CNDP1: variants seen among roughly 807,000 people sequenced by gnomAD.
CNDP1 encodes the protein carnosine dipeptidase 1, also known as beta-Ala-His dipeptidase.
A neutral mutation model predicts 58.1 loss-of-function variants in CNDP1; 44 were observed. The observed-to-expected ratio is 0.76, with a 90% CI of 0.60 to 0.97. The LOEUF is 0.97. CNDP1 is among the 50% of genes least tolerant of loss of function. The pLI, the probability that CNDP1 is intolerant of heterozygous loss-of-function variation, is 0.00. For synonymous variants in CNDP1, 254 were observed against 252.6 expected, an observed-to-expected ratio of 1.01 and a Z score of -0.05; for missense variants, 616 against 655.1, an observed-to-expected ratio of 0.94 and a Z score of 0.65.
chr18:74,553,507 T>C (rs746653640), intron 1 of CNDP1, among the ~76,000 whole-genome samples: 26 of 152,290 alleles, frequency 1.7e-4, no homozygotes, highest in Non-Finnish European at 3.1e-4. Context: ...CACTATTTAT[T>C]GAAAAGACTG....
chr18:74,573,425 C>T (rs1375539904), intron 7 of CNDP1, among the ~76,000 whole-genome samples: 1 of 25,558 alleles, frequency 3.9e-5, no homozygotes, highest in African/African-American at 3.1e-4. Flanking sequence ...TCTATCCATC[C>T]ATCCAACTAT....
In CNDP1 at chr18:74,578,298, C is replaced by T; in HGVS notation, c.1138C>T (p.His380Tyr). 6.2e-7 allele frequency: 1 copy of T among 1,610,998 alleles called. No homozygotes were observed. Among genetic ancestry groups the T allele is most frequent in the Non-Finnish European group, 8.5e-7 (1 of 1,178,884 alleles). ...AAAATTTTCAATCCGTCTAGTCCCT[C>T]ACATGAATGTGTCTGCGGTGGAAAA... Reference protein sequence around the residue: ...IGKFSIRLVPHMNVSAVEKQV... With the variant: ...IGKFSIRLVPYMNVSAVEKQV... The change falls in exon 9 of 12, where the codon CAC becomes TAC. Residue 380 changes from histidine to tyrosine, a missense_variant. His to Tyr is a moderately conservative substitution (Grantham distance 83). Transcript: ENST00000358821.
At chr18:74,534,727 G>A (rs1980442764) in intron 1 of CNDP1, 36 bp downstream of exon 1, 4 of 1,613,176 alleles carry the variant, frequency 2.5e-6, no homozygotes, top group Non-Finnish European at 3.4e-6. Context: ...TCCGTGCATT[G>A]GGTGCCAGAA....
Position 74,583,758 on chromosome 18 carries a change from A to C in CNDP1, c.1457+50A>C, listed in dbSNP as rs752934390. On this transcript the variant is annotated intron_variant, in intron 11 of 11. Transcript: ENST00000358821. The stretch of plus-strand genomic sequence containing the variant: ...CCTCTCTCTTCTTCCTTTACTGCAC[A>C]CACCCGGGTCTACACGTGGGTGAGC... 3.8e-6 allele frequency: 6 copies of C among 1,582,258 alleles called. No individual in the cohort carries two copies. In the East Asian group the frequency reaches 1.4e-4, roughly 36 times the overall value.
chr18:74,564,207 G>A (rs1228432858), intron 5 of CNDP1, among the ~76,000 whole-genome samples: 1 of 152,172 alleles, frequency 6.6e-6, no homozygotes, highest in Non-Finnish European at 1.5e-5. Context: ...TGTGTGCGGT[G>A]TCGTTTATCT....
Position 74,556,446 on chromosome 18 carries a change from C to G in CNDP1, c.133C>G (p.His45Asp). 1 of 1,614,242 alleles carries G rather than the reference C, an allele frequency of 6.2e-7. No homozygotes were observed. Among genetic ancestry groups the G allele is most frequent in the Non-Finnish European group, 8.5e-7 (1 of 1,180,042 alleles). Reference protein sequence around the residue: ...LEKVFQYIDLHQDEFVQTLKE... With the variant: ...LEKVFQYIDLDQDEFVQTLKE... Reference sequence around the variant, plus strand: ...GAAAGTCTTCCAGTACATTGACCTCCATCAGGATGAATTTGTGCAGGTAGG... The same window carrying G: ...GAAAGTCTTCCAGTACATTGACCTCGATCAGGATGAATTTGTGCAGGTAGG... Residue 45 changes from histidine (H) to aspartate (D), a missense_variant, in exon 2 of 12, where the codon CAT becomes GAT. Coordinates refer to ENST00000358821, the MANE Select transcript of CNDP1 (RefSeq NM_032649.6).
Position 74,576,995 on chromosome 18 carries a change from G to C in CNDP1, c.968G>C (p.Ser323Thr). 6.2e-7 allele frequency: 1 copy of C among 1,613,056 alleles called. No individual in the cohort carries two copies. Among genetic ancestry groups the C allele is most frequent in the Non-Finnish European group, 8.5e-7 (1 of 1,179,556 alleles). ...IHLDLEEYRN[S>T]SRVEKFLFDT... Reference sequence around the variant, plus strand: ...CTAGACCTAGAAGAATACCGGAATAGCAGCCGGGTTGAGAAATTTCTGTTC... The same window carrying C: ...CTAGACCTAGAAGAATACCGGAATACCAGCCGGGTTGAGAAATTTCTGTTC... The change falls in exon 8 of 12, where the codon AGC becomes ACC. Residue 323 changes from serine to threonine, a missense_variant. By Grantham distance (58) the Ser-to-Thr change is moderately conservative. Transcript: ENST00000358821.
intron 8 of CNDP1, 175 bp from the exon 9 acceptor site, chr18:74,577,988 G>A (rs1270048360): frequency 1.8e-6 from 1 of 565,856 alleles, no homozygotes; most frequent in African/African-American, 1.9e-5. Flanking sequence ...GGCATCTGAG[G>A]ACAGCAGAGA....
chr18:74,561,654 C>T lies in CNDP1; in HGVS notation c.467-393C>T, dbSNP rs192956071. 3.0e-3 allele frequency: 574 copies of T among 189,820 alleles called. 1 individual carries two copies. The highest frequency in any genetic ancestry group is 4.3e-3 in the Non-Finnish European group (379 of 88,310). 11.8% of individuals were successfully genotyped at this position (189,820 alleles called of 1,614,324 possible). A position where few individuals can be genotyped will look rare whatever the true frequency, so the allele number is the denominator to read the frequency against. On this transcript the variant is annotated intron_variant, in intron 4 of 11. Transcript: ENST00000358821. ...AAGGTTAATAGAGATATACACACAT[C>T]TTTTTTTCATTCTTCTACTAACTGT...
chr18:74,540,788 C>A (rs879556231), intron 1 of CNDP1, among the ~76,000 whole-genome samples: 10 of 152,168 alleles, frequency 6.6e-5, no homozygotes, highest in Non-Finnish European at 8.8e-5. Flanking sequence ...TCAGTGCCTG[C>A]CCTCCATGCA....
chr18:74,575,611 A>G (rs1242654930), intron 7 of CNDP1, among the ~76,000 whole-genome samples: 1 of 152,182 alleles, frequency 6.6e-6, no homozygotes, highest in Non-Finnish European at 1.5e-5. Context: ...AAACTCTTTC[A>G]TGAAGAGCAC....
chr18:74,570,868 C>T (rs1197751599), intron 6 of CNDP1, among the ~76,000 whole-genome samples: 1 of 152,126 alleles, frequency 6.6e-6, no homozygotes, highest in Non-Finnish European at 1.5e-5. Context: ...TGGGATGAAA[C>T]CAAAAGGAAG....
chr18:74,582,296 G>C (rs1288795748), intron 10 of CNDP1, among the ~76,000 whole-genome samples: 1 of 152,206 alleles, frequency 6.6e-6, no homozygotes, highest in Non-Finnish European at 1.5e-5. Context: ...TAAAGAAGAG[G>C]TGGCATGTTC....
chr18:74,577,136 C>A, intron 8 of CNDP1, 107 bp downstream of exon 8: 1 of 1,055,804 alleles, frequency 9.5e-7, no homozygotes, highest in Non-Finnish European at 1.3e-6. Flanking sequence ...ATCTTAGAAT[C>A]CAAAGCAGAT....
rs1015009894 is a variant in CNDP1 at position 74,584,096 on chromosome 18, G to T, written c.1457+388G>T. The T allele has an allele frequency of 3.1e-5, 9 of 287,252 alleles. No homozygotes were observed. In the Admixed American group the frequency reaches 4.3e-4, roughly 14 times the overall value. The allele number at this position is 287,252 out of a possible 1,614,324, so 17.8% of individuals were successfully genotyped here. ...CTGGGGGGTTAGGGGTTCAACACAG[G>T]ACTTTGAGGAAACACAAATATTTAG... On this transcript the variant is annotated intron_variant, in intron 11 of 11. Transcript: ENST00000358821.
chr18:74,561,994 C>G (rs377276019), intron 4 of CNDP1, 53 bp from the exon 5 acceptor site: 3 of 1,486,250 alleles, frequency 2.0e-6, no homozygotes, highest in Non-Finnish European at 1.9e-6. Context: ...GTTTTTAACT[C>G]ACATGGCAGA....
chr18:74,576,990 G>A lies in CNDP1; in HGVS notation c.963G>A (p.Arg321=). 6.2e-7 allele frequency: 1 copy of A among 1,613,070 alleles called. No individual in the cohort carries two copies. Among genetic ancestry groups the A allele is most frequent in the Non-Finnish European group, 8.5e-7 (1 of 1,179,580 alleles). Residue 321 remains arginine (R), a synonymous_variant, in exon 8 of 12, where the codon CGG becomes CGA. Coordinates refer to ENST00000358821, the MANE Select transcript of CNDP1 (RefSeq NM_032649.6). ...TCCATCTAGACCTAGAAGAATACCG[G>A]AATAGCAGCCGGGTTGAGAAATTTC... The part of the protein sequence containing the change: ...KAIHLDLEEY[R]NSSRVEKFLF...
At chr18:74,558,397 T>TC (rs906774159) in intron 2 of CNDP1, among the ~76,000 whole-genome samples, 2 of 137,372 alleles carry the variant, frequency 1.5e-5, no homozygotes, top group African/African-American at 2.8e-5. Flanking sequence ...TTTTTCTTTT[T>TC]TTTTTTTTTT....
chr18:74,534,747 T>C (rs962928280), intron 1 of CNDP1, 56 bp downstream of exon 1: 1 of 1,606,832 alleles, frequency 6.2e-7, no homozygotes, highest in Non-Finnish European at 8.5e-7. Flanking sequence ...ATTCCATTTG[T>C]CCCGGGAGCA....
Sources: gnomAD v4.1 joint callset for allele counts (sites outside exome capture counted in the v4.1 genomes callset) on GRCh38, gnomAD v4.1.1 for gene constraint, MANE v1.5 for transcripts, NCBI Gene and HGNC (gene_info 2026-07-23, HGNC 2026-07-21) for gene names.